Variants in LPP observed in about 807,000 individuals in gnomAD.
LPP encodes the protein LIM domain containing preferred translocation partner in lipoma.
A neutral mutation model predicts 60.4 loss-of-function variants in LPP; 38 were observed. That is an observed-to-expected ratio of 0.63 (90% CI 0.49 to 0.83). LPP has a LOEUF of 0.83. Ranked by LOEUF, LPP falls within the 40% of genes least tolerant of loss-of-function variation. The pLI is 0.00. For synonymous variants in LPP, 328 were observed against 290.8 expected (o/e 1.13, Z -1.30); for missense variants, 902 against 783.6 (o/e 1.15, Z -1.80).
chr3:188,376,031 A>G (rs1219575850), intron 3 of LPP, among the ~76,000 whole-genome samples: 1 of 152,100 alleles, frequency 6.6e-6, no homozygotes, highest in African/African-American at 2.4e-5. Context: ...GAGTTTCTTA[A>G]TCCTGAATTC....
intron 3 of LPP, among the ~76,000 whole-genome samples, chr3:188,398,163 G>A (rs1010454448): frequency 1.3e-5 from 2 of 152,174 alleles, no homozygotes; most frequent in African/African-American, 2.4e-5. Context: ...TGGTCTCATA[G>A]GAGTTAAAAC....
chr3:188,375,801 G>A (rs892979411), intron 3 of LPP, among the ~76,000 whole-genome samples: 1 of 151,994 alleles, frequency 6.6e-6, no homozygotes, highest in Non-Finnish European at 1.5e-5. Flanking sequence ...TGATGTTAGG[G>A]TGTCAATTTT....
chr3:188,530,668 T>G (rs1560526948), intron 6 of LPP, among the ~76,000 whole-genome samples: 2 of 152,344 alleles, frequency 1.3e-5, no homozygotes, highest in Non-Finnish European at 1.5e-5. Flanking sequence ...GGGGAGAGTT[T>G]GGTTTCCTTT....
chr3:188,781,555 A>G (rs928762525), intron 9 of LPP, among the ~76,000 whole-genome samples: 1 of 152,010 alleles, frequency 6.6e-6, no homozygotes, highest in Non-Finnish European at 1.5e-5. Flanking sequence ...AGAGAGAATG[A>G]GAGACAAGCA....
intron 6 of LPP, chr3:188,553,616 C>G (rs1828736458): frequency 6.6e-6 from 1 of 152,128 alleles, no homozygotes; most frequent in Non-Finnish European, 1.5e-5. Flanking sequence ...GGACAGTTAA[C>G]TTGTGTGTTT....
At chr3:188,405,555 A>T (rs1783261870) in intron 3 of LPP, among the ~76,000 whole-genome samples, 1 of 152,090 alleles carries the variant, frequency 6.6e-6, no homozygotes, top group Admixed American at 6.5e-5. Context: ...ATATCACCTC[A>T]TCAATAAAAT....
At chr3:188,578,986 C>A (rs1305495894) in intron 6 of LPP, among the ~76,000 whole-genome samples, 1 of 152,072 alleles carries the variant, frequency 6.6e-6, no homozygotes, top group African/African-American at 2.4e-5. Context: ...GAAAATCATT[C>A]AGTGAAATGT....
At chr3:188,701,421 A>T (rs1864381589) in intron 7 of LPP, among the ~76,000 whole-genome samples, 1 of 152,274 alleles carries the variant, frequency 6.6e-6, no homozygotes, top group Non-Finnish European at 1.5e-5. Flanking sequence ...AAATACAGAA[A>T]CATAGAAAGA....
At chr3:188,404,539 TG>T (rs911632953) in intron 3 of LPP, among the ~76,000 whole-genome samples, 1 of 152,184 alleles carries the variant, frequency 6.6e-6, no homozygotes, top group African/African-American at 2.4e-5. Context: ...CCATTGTGCT[TG>T]GCTGAGTCCT....
intron 9 of LPP, among the ~76,000 whole-genome samples, chr3:188,798,617 C>T (rs1467529012): frequency 1.3e-5 from 2 of 152,168 alleles, no homozygotes; most frequent in Non-Finnish European, 2.9e-5. Context: ...TACCTCTTAT[C>T]GTATGGGGTA....
chr3:188,243,612 T>C (rs886240992), intron 2 of LPP, among the ~76,000 whole-genome samples: 1 of 152,182 alleles, frequency 6.6e-6, no homozygotes, highest in Non-Finnish European at 1.5e-5. Context: ...TTTGGCATGA[T>C]TCTTGCTGTC....
At chr3:188,447,755 G>A (rs576072013) in intron 4 of LPP, among the ~76,000 whole-genome samples, 2 of 151,938 alleles carry the variant, frequency 1.3e-5, no homozygotes, top group South Asian at 2.1e-4. Context: ...CAGCCTGGGC[G>A]ACACAGCAAG....
intron 1 of LPP, chr3:188,179,289 C>T (rs199907906): frequency 2.2e-6 from 1 of 458,394 alleles, no homozygotes; most frequent in African/African-American, 2.0e-5. Flanking sequence ...GCTTCTTTAT[C>T]TGACCCGTGC....
intron 7 of LPP, among the ~76,000 whole-genome samples, chr3:188,695,530 A>G (rs1863055447): frequency 6.6e-6 from 1 of 152,212 alleles, no homozygotes; most frequent in African/African-American, 2.4e-5. Flanking sequence ...ATATTAGCAC[A>G]TGCCATGTGT....
intron 2 of LPP, among the ~76,000 whole-genome samples, chr3:188,269,465 A>G (rs1736838817): frequency 6.6e-6 from 1 of 152,250 alleles, no homozygotes; most frequent in Non-Finnish European, 1.5e-5. Context: ...ATAAAAACTT[A>G]ATAATTGTTT....
chr3:188,428,126 G>A (rs551110189), intron 4 of LPP, among the ~76,000 whole-genome samples: 10 of 152,140 alleles, frequency 6.6e-5, no homozygotes, highest in Non-Finnish European at 1.2e-4. Flanking sequence ...TGCACCGTTT[G>A]TCATGGCACA....
At chr3:188,535,483 A>G (rs1265803560) in intron 6 of LPP, among the ~76,000 whole-genome samples, 3 of 152,200 alleles carry the variant, frequency 2.0e-5, no homozygotes, top group Non-Finnish European at 4.4e-5. Context: ...TTACATTTCC[A>G]TTCTAGAAAT....
At chr3:188,179,346 C>T (rs1370207832) in intron 1 of LPP, 2 of 458,218 alleles carry the variant, frequency 4.4e-6, no homozygotes, top group Non-Finnish European at 8.8e-6. Context: ...GCGGCCTCCT[C>T]CTAGGCCCCC....
Position 188,182,763 on chromosome 3 carries a change from T to C in LPP, c.-190+28511T>C, listed in dbSNP as rs145519462. Reference sequence around the variant, plus strand: ...ATATATATACATATATGTACATATATTATATATGTGCATATATAATATATG... The same window carrying C: ...ATATATATACATATATGTACATATACTATATATGTGCATATATAATATATG... On this transcript the variant is annotated intron_variant, in intron 1 of 11. Transcript: ENST00000617246. The surrounding 1 kb of genome is among the most constrained non-coding windows in gnomAD (Gnocchi z 4.4). Among the ~76,000 whole-genome samples, 2 of 139,888 alleles carry C rather than the reference T, an allele frequency of 1.4e-5. No homozygotes were observed. The highest frequency in any genetic ancestry group is 4.5e-4 in the South Asian group (2 of 4,484). 91.8% of individuals were successfully genotyped at this position (139,888 alleles called of 152,430 possible).
Sources: gnomAD v4.1 joint callset for allele counts (sites outside exome capture counted in the v4.1 genomes callset) on GRCh38, gnomAD v4.1.1 for gene constraint, Gnocchi (gnomAD v3.1) non-coding constraint, MANE v1.5 for transcripts, NCBI Gene and HGNC (gene_info 2026-07-23, HGNC 2026-07-21) for gene names.